CHCHD3: variants seen among roughly 807,000 people sequenced by gnomAD.
CHCHD3 encodes the protein coiled-coil-helix-coiled-coil-helix domain containing 3.
Under a neutral mutation model 38.2 loss-of-function variants are expected in CHCHD3, and 20 were observed. That is an observed-to-expected ratio of 0.52 (90% confidence interval 0.37 to 0.76). The LOEUF (loss-of-function observed/expected upper bound fraction) is 0.76, where lower values mean the gene tolerates loss of function less well. CHCHD3 is among the 30% of genes least tolerant of loss of function. The probability of loss-of-function intolerance (pLI) is 0.00; values close to 1 mark genes in which losing one functional copy is unlikely to be tolerated. For missense variants in CHCHD3, 245 were observed against 279.2 expected, an observed-to-expected ratio of 0.88 and a Z score of 0.87; for synonymous variants, 82 against 100.0, an observed-to-expected ratio of 0.82 and a Z score of 1.07.
chr7:132,994,275 A>G (rs752209706), intron 3 of CHCHD3, among the ~76,000 whole-genome samples: 5 of 152,322 alleles, frequency 3.3e-5, no homozygotes, highest in South Asian at 4.1e-4. Context: ...ACAGAACAAC[A>G]TGGTCCAGTT....
At chr7:132,905,066 C>T (rs184560642) in intron 4 of CHCHD3, among the ~76,000 whole-genome samples, 1,572 of 107,174 alleles carry the variant, frequency 0.015, 15 homozygotes, top group Non-Finnish European at 0.018. Flanking sequence ...TGACGCAAGG[C>T]GGGGAACAAA....
intron 4 of CHCHD3, among the ~76,000 whole-genome samples, chr7:132,964,147 C>T (rs768430781): frequency 1.3e-5 from 2 of 152,168 alleles, no homozygotes; most frequent in Non-Finnish European, 2.9e-5. Flanking sequence ...CACGGTTATT[C>T]CTAAAAATAC....
In CHCHD3 at chr7:133,042,291, G is replaced by A. The variant is rs903946735; in HGVS notation, c.170-17664C>T. Among the ~76,000 whole-genome samples, 23 of 151,938 alleles carry A rather than the reference G, an allele frequency of 1.5e-4. 1 individual carries two copies. Among genetic ancestry groups the A allele is most frequent in the Admixed American group, 1.0e-3 (16 of 15,282 alleles). The stretch of plus-strand genomic sequence containing the variant: ...AAAAGGCTTCTCTTCATCACACTGC[G>A]GTAGTATTTCTGCATGTCCCTAAGA... On this transcript the variant is annotated intron_variant, in intron 2 of 7. Transcript: ENST00000262570.
intron 4 of CHCHD3, among the ~76,000 whole-genome samples, chr7:132,928,752 T>C (rs1225559778): frequency 6.6e-6 from 1 of 152,032 alleles, no homozygotes; most frequent in African/African-American, 2.4e-5. Flanking sequence ...GGATACAAAA[T>C]ATCAATAAAT....
chr7:132,997,659 TAAAAAAAAAA>T (rs71178073), intron 3 of CHCHD3, among the ~76,000 whole-genome samples: 26,782 of 82,246 alleles, frequency 0.33, 3,008 homozygotes, highest in South Asian at 0.48. Flanking sequence ...AACAGGGTTG[TAAAAAAAAAA>T]AAAAAAAAAA....
At chr7:132,798,501 G>A (rs576702084) in intron 6 of CHCHD3, among the ~76,000 whole-genome samples, 4 of 152,100 alleles carry the variant, frequency 2.6e-5, no homozygotes, top group South Asian at 2.1e-4. Flanking sequence ...GATAAATATC[G>A]AATAAAATAT....
At chr7:132,816,671 C>T (rs1247662538) in intron 6 of CHCHD3, among the ~76,000 whole-genome samples, 3 of 152,208 alleles carry the variant, frequency 2.0e-5, no homozygotes, top group African/African-American at 7.2e-5. Flanking sequence ...GCTGCTGTGC[C>T]TCCTCCTTTA....
intron 3 of CHCHD3, among the ~76,000 whole-genome samples, chr7:133,012,732 C>A (rs1812909324): frequency 6.6e-6 from 1 of 150,452 alleles, no homozygotes; most frequent in Non-Finnish European, 1.5e-5. Flanking sequence ...CCACTGCACT[C>A]CACCATGGGC....
At chr7:132,899,068 G>T (rs1264737638) in intron 4 of CHCHD3, among the ~76,000 whole-genome samples, 1 of 152,230 alleles carries the variant, frequency 6.6e-6, no homozygotes, top group Non-Finnish European at 1.5e-5. Flanking sequence ...TGCAGCGGTG[G>T]GCTGAAGGGC....
intron 4 of CHCHD3, among the ~76,000 whole-genome samples, chr7:132,964,456 C>A (rs771587998): frequency 6.6e-6 from 1 of 152,134 alleles, no homozygotes; most frequent in Non-Finnish European, 1.5e-5. Context: ...AGGCGTGCAC[C>A]TGTAATCCCA....
intron 3 of CHCHD3, among the ~76,000 whole-genome samples, chr7:133,007,098 T>C (rs56182580): frequency 0.23 from 35,381 of 152,192 alleles, 4,487 homozygotes; most frequent in South Asian, 0.28. Flanking sequence ...CAGTGTGAGT[T>C]ATTTTTGTAA....
At chr7:132,832,578 T>C (rs947401398) in intron 6 of CHCHD3, among the ~76,000 whole-genome samples, 1 of 146,624 alleles carries the variant, frequency 6.8e-6, no homozygotes, top group African/African-American at 2.6e-5. Flanking sequence ...GAAGTATCAA[T>C]TGTCCTGTAA....
At chr7:132,919,770 C>T (rs988532345) in intron 4 of CHCHD3, among the ~76,000 whole-genome samples, 2 of 152,172 alleles carry the variant, frequency 1.3e-5, no homozygotes, top group Non-Finnish European at 2.9e-5. Flanking sequence ...GGCGACTGTG[C>T]TCCTTGGGAC....
intron 4 of CHCHD3, among the ~76,000 whole-genome samples, chr7:132,907,448 G>A (rs1478019500): frequency 1.3e-5 from 2 of 152,178 alleles, no homozygotes; most frequent in Admixed American, 1.3e-4. Context: ...ACTAGAACTT[G>A]AAAGCCAGAT....
intron 5 of CHCHD3, among the ~76,000 whole-genome samples, chr7:132,860,149 T>C (rs1316166465): frequency 1.3e-5 from 2 of 152,032 alleles, no homozygotes; most frequent in Non-Finnish European, 2.9e-5. Flanking sequence ...GGCGCGCATC[T>C]GTAGTCCCAG....
At chr7:133,060,407 C>T (rs573394912) in intron 2 of CHCHD3, among the ~76,000 whole-genome samples, 2 of 152,262 alleles carry the variant, frequency 1.3e-5, no homozygotes, top group Admixed American at 1.3e-4. Context: ...CTACGAGAGA[C>T]GTGCACAGGT....
chr7:132,808,752 T>C (rs956064127), intron 6 of CHCHD3, among the ~76,000 whole-genome samples: 3 of 151,664 alleles, frequency 2.0e-5, no homozygotes, highest in Admixed American at 6.6e-5. Context: ...TTTTTTATTA[T>C]ACTTTAAGTT....
intron 6 of CHCHD3, among the ~76,000 whole-genome samples, chr7:132,836,424 GTCTAAACTTT>G (rs1442340833): frequency 6.6e-6 from 1 of 151,256 alleles, no homozygotes; most frequent in Non-Finnish European, 1.5e-5. Context: ...CTGGCGCCAT[GTCTAAACTTT>G]CAACAACTTT....
intron 7 of CHCHD3, 31 bp downstream of exon 7, chr7:132,796,411 G>A (rs1177370576): frequency 6.2e-7 from 1 of 1,611,394 alleles, no homozygotes; most frequent in East Asian, 2.2e-5. Context: ...AATTTGCCCA[G>A]TGCCCCCAGT....
Sources: gnomAD v4.1 joint callset for allele counts (sites outside exome capture counted in the v4.1 genomes callset) on GRCh38, gnomAD v4.1.1 for gene constraint, MANE v1.5 for transcripts, NCBI Gene and HGNC (gene_info 2026-07-23, HGNC 2026-07-21) for gene names.